The following PRELID2 variants were observed in gnomAD, a reference collection of about 807,000 sequenced individuals.
PRELID2 encodes PRELI domain containing 2, also known as PRELI domain-containing protein 2.
PRELID2 carries 25 observed loss-of-function variants against 28.4 expected under a neutral mutation model. That is an observed-to-expected ratio of 0.88 (90% confidence interval 0.64 to 1.23). PRELID2 has a LOEUF of 1.23. PRELID2 is among the 50% of genes most tolerant of loss of function. The pLI, the probability that PRELID2 is intolerant of heterozygous loss-of-function variation, is 0.00. For missense variants in PRELID2, 201 were observed against 214.4 expected, an observed-to-expected ratio of 0.94 and a Z score of 0.39; for synonymous variants, 76 against 71.6, an observed-to-expected ratio of 1.06 and a Z score of -0.31.
At chr5:145,706,242 C>T (rs1475602647) in intron 1 of PRELID2, among the ~76,000 whole-genome samples, 1 of 152,138 alleles carries the variant, frequency 6.6e-6, no homozygotes, top group South Asian at 2.1e-4. Context: ...AGCTCCGGGT[C>T]GCACTGGAAG....
At chr5:145,669,498 C>G (rs529561718) in intron 1 of PRELID2, among the ~76,000 whole-genome samples, 1 of 152,132 alleles carries the variant, frequency 6.6e-6, no homozygotes, top group Non-Finnish European at 1.5e-5. Context: ...GACATAGATC[C>G]GACTGTGTTA....
At chr5:145,684,578 GTTA>G (rs1755000212) in intron 1 of PRELID2, among the ~76,000 whole-genome samples, 1 of 152,166 alleles carries the variant, frequency 6.6e-6, no homozygotes, top group Admixed American at 6.6e-5. Flanking sequence ...TAGTTGTTCT[GTTA>G]TTATTTCACA....
At chr5:145,333,773 G>A in the PRELID2 span, among the ~76,000 whole-genome samples, 2 of 147,392 alleles carry the variant, frequency 1.4e-5, no homozygotes, top group Non-Finnish European at 3.0e-5. Flanking sequence ...TTTAAGGGGA[G>A]TGATCAGTTA....
chr5:145,609,190 C>T (rs905682915), intron 1 of PRELID2, among the ~76,000 whole-genome samples: 17 of 152,144 alleles, frequency 1.1e-4, no homozygotes, highest in African/African-American at 3.9e-4. Context: ...AGAGTCCTTG[C>T]TTTGGGTTTC....
intron 1 of PRELID2, among the ~76,000 whole-genome samples, chr5:145,581,922 G>A (rs1753111065): frequency 6.6e-6 from 1 of 151,838 alleles, no homozygotes; most frequent in African/African-American, 2.4e-5. Context: ...ATCTTTTTTT[G>A]TTCCAAATCA....
chr5:145,635,138 TA>T (rs1753982840), intron 1 of PRELID2, among the ~76,000 whole-genome samples: 1 of 152,214 alleles, frequency 6.6e-6, no homozygotes, highest in African/African-American at 2.4e-5. Flanking sequence ...CTCTCGTCCT[TA>T]AAGTATGGTG....
chr5:145,248,224 C>T, the PRELID2 span, among the ~76,000 whole-genome samples: 1 of 152,064 alleles, frequency 6.6e-6, no homozygotes, highest in Non-Finnish European at 1.5e-5. Flanking sequence ...CCCTTCTTAA[C>T]CCTCGTATAT....
chr5:145,664,198 G>C (rs928562904), intron 1 of PRELID2, among the ~76,000 whole-genome samples: 2 of 152,046 alleles, frequency 1.3e-5, no homozygotes, highest in African/African-American at 2.4e-5. Flanking sequence ...ATTGTGTCCA[G>C]GTTTTCTTCT....
chr5:145,545,196 C>T (rs1332129336), intron 1 of PRELID2, among the ~76,000 whole-genome samples: 3 of 152,002 alleles, frequency 2.0e-5, no homozygotes, highest in Non-Finnish European at 2.9e-5. Flanking sequence ...CATCAGAGAA[C>T]GTCTGATTTG....
chr5:145,543,282 A>C (rs1267013142), intron 1 of PRELID2, among the ~76,000 whole-genome samples: 1 of 152,178 alleles, frequency 6.6e-6, no homozygotes, highest in African/African-American at 2.4e-5. Flanking sequence ...GCCAGCACTT[A>C]ATAGCTATTC....
chr5:145,419,117 T>C, the PRELID2 span, among the ~76,000 whole-genome samples: 3 of 150,288 alleles, frequency 2.0e-5, no homozygotes, highest in Admixed American at 2.0e-4. Context: ...ATTTTCTTAA[T>C]CCAGTCTATC....
At chr5:145,305,629 C>A in the PRELID2 span, among the ~76,000 whole-genome samples, 336 of 152,240 alleles carry the variant, frequency 2.2e-3, 2 homozygotes, top group African/African-American at 7.8e-3. Flanking sequence ...TCATTCCCAT[C>A]CAGCTTTTCA....
At chr5:145,408,894 A>T in the PRELID2 span, among the ~76,000 whole-genome samples, 6 of 152,280 alleles carry the variant, frequency 3.9e-5, no homozygotes, top group East Asian at 9.7e-4. Context: ...TTAAACAAAG[A>T]TCCTCACCTA....
intron 1 of PRELID2, among the ~76,000 whole-genome samples, chr5:145,480,630 C>T: frequency 6.6e-6 from 1 of 152,106 alleles, no homozygotes; most frequent in East Asian, 1.9e-4. Flanking sequence ...ATCATTATTT[C>T]CAGTTTACAG....
At chr5:145,718,554 G>T (rs1440680907) in intron 1 of PRELID2, among the ~76,000 whole-genome samples, 1 of 151,884 alleles carries the variant, frequency 6.6e-6, no homozygotes, top group East Asian at 1.9e-4. Context: ...TATCATATTT[G>T]CTCTAAAATT....
intron 1 of PRELID2, among the ~76,000 whole-genome samples, chr5:145,517,891 A>C (rs1000766517): frequency 6.6e-5 from 10 of 152,122 alleles, no homozygotes; most frequent in Non-Finnish European, 1.5e-4. Flanking sequence ...TAACACAGGA[A>C]CAGAAAACCA....
At chr5:145,740,644 T>A (rs1200679586) in intron 1 of PRELID2, among the ~76,000 whole-genome samples, 2 of 107,108 alleles carry the variant, frequency 1.9e-5, no homozygotes, top group African/African-American at 3.9e-5. Context: ...TATAAATATA[T>A]ATATTTTATA....
At chr5:145,352,019 C>T in the PRELID2 span, among the ~76,000 whole-genome samples, 1 of 152,182 alleles carries the variant, frequency 6.6e-6, no homozygotes, top group Non-Finnish European at 1.5e-5. Context: ...CAACCCCCGT[C>T]TCAGGTGCTT....
At chr5:145,273,562 T>A in the PRELID2 span, among the ~76,000 whole-genome samples, 1 of 152,060 alleles carries the variant, frequency 6.6e-6, no homozygotes, top group Non-Finnish European at 1.5e-5. Flanking sequence ...CATAAATCAC[T>A]CAAAGAAGAG....
Sources: allele counts gnomAD v4.1 joint callset (sites outside exome capture counted in the v4.1 genomes callset), GRCh38; gene constraint gnomAD v4.1.1; transcripts MANE v1.5; gene names NCBI Gene and HGNC (gene_info 2026-07-23, HGNC 2026-07-21).